EIF2AK2: variants seen among roughly 807,000 people sequenced by gnomAD.
The protein encoded by EIF2AK2 is eukaryotic translation initiation factor 2 alpha kinase 2, also known as interferon-induced, double-stranded RNA-activated protein kinase.
EIF2AK2 carries 40 observed loss-of-function variants against 70.5 expected under a neutral mutation model. The observed-to-expected ratio is 0.57, with a 90% CI of 0.44 to 0.74. EIF2AK2 has a LOEUF of 0.74. Among genes scored for constraint, EIF2AK2 ranks in the 30% least tolerant of loss-of-function variants. The pLI, the probability that EIF2AK2 is intolerant of heterozygous loss-of-function variation, is 0.00. For synonymous variants in EIF2AK2, 198 were observed against 220.9 expected (o/e 0.90, Z 0.92); for missense variants, 555 against 644.3 (o/e 0.86, Z 1.50).
At chr2:37,113,483 A>G (rs1279376949) in intron 14 of EIF2AK2, among the ~76,000 whole-genome samples, 1 of 142,650 alleles carries the variant, frequency 7.0e-6, no homozygotes, top group Admixed American at 7.2e-5. Flanking sequence ...TGGTGACAAG[A>G]GCAAAACTCC....
chr2:37,107,562 T>A, intron 15 of EIF2AK2, 35 bp from the exon 16 acceptor site: 1 of 1,585,758 alleles, frequency 6.3e-7, no homozygotes, highest in Non-Finnish European at 8.6e-7. Flanking sequence ...TATTAGGAAA[T>A]TATTTACTTG....
intron 10 of EIF2AK2, among the ~76,000 whole-genome samples, chr2:37,127,769 G>C (rs146003554): frequency 0.067 from 9,623 of 143,794 alleles, 375 homozygotes; most frequent in Middle Eastern, 0.13. Context: ...TTGAGACAGA[G>C]TCTCGTTCTG....
intron 1 of EIF2AK2, 136 bp from the exon 2 acceptor site, chr2:37,149,159 G>A (rs111475205): frequency 3.3e-5 from 33 of 997,618 alleles, no homozygotes; most frequent in African/African-American, 2.7e-4. Context: ...ATGCCTCGAT[G>A]AAGATTGTTT....
In EIF2AK2 at chr2:37,107,540, A is replaced by C; in HGVS notation, c.1480-13T>G. 6.2e-7 allele frequency: 1 copy of C among 1,608,428 alleles called. No individual in the cohort carries two copies. Among genetic ancestry groups the C allele is most frequent in the Non-Finnish European group, 8.5e-7 (1 of 1,178,356 alleles). The stretch of plus-strand genomic sequence containing the variant: ...GGTCTGTGAAAAACTGGAAAAAAAA[A>C]TGATAGGTGTATATTAGGAAATTAT... On this transcript the variant is annotated splice_polypyrimidine_tract_variant and intron_variant, in intron 15 of 16. Coordinates refer to ENST00000233057, the MANE Select transcript of EIF2AK2 (RefSeq NM_001135651.3).
chr2:37,150,905 T>G (rs557046203), intron 1 of EIF2AK2, among the ~76,000 whole-genome samples: 138 of 152,286 alleles, frequency 9.1e-4, no homozygotes, highest in Non-Finnish European at 1.4e-3. Context: ...TTTATAGGTC[T>G]CACTGGACCA....
In EIF2AK2 at chr2:37,138,582, A is replaced by G. The variant is rs567148801; in HGVS notation, c.520T>C (p.Ser174Pro). The change falls in exon 7 of 17, where the codon TCT becomes CCT. Residue 174 changes from serine (S) to proline (P), a missense_variant. Around this residue, in one of 3 missense-constraint regions of EIF2AK2, gnomAD observed 208 missense variants for 191.8 expected, o/e 1.08. Coordinates refer to ENST00000233057, the MANE Select transcript of EIF2AK2 (RefSeq NM_001135651.3). ...QILSEETSVK[S>P]DYLSSGSFAT... ...AAAGAACCAGAGGACAGGTAGTCAG[A>G]TTTCTGAAAGAAAAAGTATCCCTTA... 32 of 1,614,088 alleles carry G rather than the reference A, an allele frequency of 2.0e-5. No individual in the cohort carries two copies. The South Asian group carries it at 3.4e-4, about 17-fold the overall frequency.
intron 4 of EIF2AK2, among the ~76,000 whole-genome samples, chr2:37,142,761 T>C (rs551040696): frequency 6.6e-6 from 1 of 152,352 alleles, no homozygotes; most frequent in South Asian, 2.1e-4. Flanking sequence ...GTGTCTAAAA[T>C]GTAAATGACT....
chr2:37,101,737 C>T lies in EIF2AK2; in HGVS notation c.*5536G>A, dbSNP rs1673831707. On this transcript the variant is annotated 3_prime_UTR_variant, in exon 17 of 17. Coordinates refer to ENST00000233057, the MANE Select transcript of EIF2AK2 (RefSeq NM_001135651.3). ...GGTAAATTTTACAGAGTAAAGGAGA[C>T]ACATCAACCAAATGCAATGTTGGAT... 6.6e-6 allele frequency: 1 copy of T among 152,068 alleles called. No homozygotes were observed. Among genetic ancestry groups the T allele is most frequent in the Admixed American group, 6.5e-5 (1 of 15,276 alleles). 9.4% of individuals were successfully genotyped at this position (152,068 alleles called of 1,614,324 possible).
chr2:37,138,731 G>A (rs1025846552), intron 6 of EIF2AK2, 146 bp from the exon 7 acceptor site: 30 of 679,694 alleles, frequency 4.4e-5, no homozygotes, highest in Non-Finnish European at 6.6e-5. Context: ...AACATTTTTT[G>A]GATGTTTGGT....
rs184823800 is a variant in EIF2AK2 at position 37,145,130 on chromosome 2, T to C, written c.240+1723A>G. Among the ~76,000 whole-genome samples, 452 of 150,630 alleles carry C rather than the reference T, an allele frequency of 3.0e-3. 3 individuals carry two copies. Among genetic ancestry groups the C allele is most frequent in the Non-Finnish European group, 5.2e-3 (355 of 67,692 alleles). On this transcript the variant is annotated intron_variant, in intron 4 of 16. Coordinates refer to ENST00000233057, the MANE Select transcript of EIF2AK2 (RefSeq NM_001135651.3). ...TACAGCCATACTATGTGTTTGTTTGTGGTTTTGTGGGTTTTTTTTTTTTTT... is the reference window on the plus strand; with the variant it reads ...TACAGCCATACTATGTGTTTGTTTGCGGTTTTGTGGGTTTTTTTTTTTTTT...
In EIF2AK2 at chr2:37,103,063, CT is replaced by C. The variant is rs1242975679; in HGVS notation, c.*4209del. 6.6e-6 allele frequency: 1 copy of C among 151,894 alleles called. No individual in the cohort carries two copies. The highest frequency in any genetic ancestry group is 2.4e-5 in the African/African-American group (1 of 41,366). 9.4% of individuals were successfully genotyped at this position (151,894 alleles called of 1,614,324 possible). ...CAAATAAGGTCCCAGGCTCTTGCCC[CT>C]GTCCTCCTCTGAGTAAGAGGATACT... On this transcript the variant is annotated 3_prime_UTR_variant, in exon 17 of 17. Transcript: ENST00000233057.
chr2:37,129,876 A>T (rs1057459365), intron 10 of EIF2AK2, among the ~76,000 whole-genome samples: 6 of 152,034 alleles, frequency 3.9e-5, no homozygotes, highest in Non-Finnish European at 8.8e-5. Context: ...CAAGAACAGA[A>T]CCCTTCCTCA....
chr2:37,123,284 T>C (rs1158963098), intron 11 of EIF2AK2, among the ~76,000 whole-genome samples: 2 of 152,146 alleles, frequency 1.3e-5, no homozygotes, highest in African/African-American at 4.8e-5. Context: ...TTTATTTTAT[T>C]GAGACAGAGT....
intron 10 of EIF2AK2, among the ~76,000 whole-genome samples, chr2:37,134,959 C>G (rs760321301): frequency 8.5e-5 from 13 of 152,200 alleles, no homozygotes; most frequent in Non-Finnish European, 1.8e-4. Context: ...AACCTCCAGA[C>G]TTGGATTGGG....
intron 10 of EIF2AK2, among the ~76,000 whole-genome samples, chr2:37,129,426 G>A (rs1317630792): frequency 6.6e-6 from 1 of 152,064 alleles, no homozygotes; most frequent in Admixed American, 6.6e-5. Flanking sequence ...CCCCATTCGG[G>A]TACCACTCAT....
Position 37,146,862 on chromosome 2 carries a change from C to T in EIF2AK2, c.231G>A (p.Lys77=). 6.2e-7 allele frequency: 1 copy of T among 1,613,148 alleles called. No homozygotes were observed. The highest frequency in any genetic ancestry group is 8.5e-7 in the Non-Finnish European group (1 of 1,179,700). Residue 77 remains lysine, a synonymous_variant, in exon 4 of 17, where the codon AAG becomes AAA. Coordinates refer to ENST00000233057, the MANE Select transcript of EIF2AK2 (RefSeq NM_001135651.3). ...AAAGGCAATCACTCACCTTCTTTTC[C>T]TTATTAAGTATCTCAACAGCTAATT... is the stretch of plus-strand genomic sequence containing the variant. ...AAKLAVEILN[K]EKKAVSPLLL...
In EIF2AK2 at chr2:37,138,302, T is replaced by C. The variant is rs1675199625; in HGVS notation, c.655A>G (p.Ser219Gly). Residue 219 changes from serine (S) to glycine (G), a missense_variant, in exon 8 of 17, where the codon AGT becomes GGT. Ser to Gly is a moderately conservative substitution (Grantham distance 56). Coordinates refer to ENST00000233057, the MANE Select transcript of EIF2AK2 (RefSeq NM_001135651.3). ...AACGAAGAACTGTTTAAACTGTCAC[T>C]GTTAGAATTTATCTCTGATGTATCT... ...SADTSEINSNSDSLNSSSLLM... is the reference protein window; with the variant it reads ...SADTSEINSNGDSLNSSSLLM... 1 of 1,613,942 alleles carries C rather than the reference T, an allele frequency of 6.2e-7. No homozygotes were observed. Among genetic ancestry groups the C allele is most frequent in the Middle Eastern group, 1.7e-4 (1 of 6,058 alleles).
intron 5 of EIF2AK2, among the ~76,000 whole-genome samples, chr2:37,140,985 T>C (rs1034424870): frequency 1.3e-5 from 2 of 152,234 alleles, no homozygotes; most frequent in African/African-American, 2.4e-5. Flanking sequence ...TTTCCACACA[T>C]CTTAGCTCAC....
At chr2:37,114,186 G>C (rs764911674) in intron 14 of EIF2AK2, among the ~76,000 whole-genome samples, 8 of 152,106 alleles carry the variant, frequency 5.3e-5, no homozygotes, top group Non-Finnish European at 1.2e-4. Flanking sequence ...TAGAGTCCTA[G>C]CTACTCAGGA....
Sources: allele counts gnomAD v4.1 joint callset (sites outside exome capture counted in the v4.1 genomes callset), GRCh38; gene constraint gnomAD v4.1.1; regional missense constraint gnomAD v4.1.1; transcripts MANE v1.5; gene names NCBI Gene and HGNC (gene_info 2026-07-23, HGNC 2026-07-21).